Variants in CDK6 observed in about 807,000 individuals in gnomAD.
The protein encoded by CDK6 is cyclin dependent kinase 6, also known as cyclin-dependent kinase 6.
In CDK6, 6 loss-of-function variants were observed where a neutral mutation model predicts 37.1. That is an observed-to-expected ratio of 0.16 (90% CI 0.09 to 0.32). The LOEUF (loss-of-function observed/expected upper bound fraction) is 0.32, where lower values mean the gene tolerates loss of function less well. CDK6 is among the 10% of genes least tolerant of loss of function. The probability of loss-of-function intolerance (pLI) is 1.00; values close to 1 mark genes in which losing one functional copy is unlikely to be tolerated. For missense variants in CDK6, 224 were observed against 418.9 expected, an observed-to-expected ratio of 0.53 and a Z score of 4.06; for synonymous variants, 160 against 161.3, an observed-to-expected ratio of 0.99 and a Z score of 0.06.
intron 5 of CDK6, among the ~76,000 whole-genome samples, chr7:92,659,336 G>A (rs138561177): frequency 6.6e-6 from 1 of 152,072 alleles, no homozygotes; most frequent in Non-Finnish European, 1.5e-5. Context: ...AAGAAAGAAT[G>A]TAAAAATATC....
At chr7:92,759,871 T>A (rs1343260486) in intron 3 of CDK6, among the ~76,000 whole-genome samples, 1 of 152,146 alleles carries the variant, frequency 6.6e-6, no homozygotes, top group Non-Finnish European at 1.5e-5. Flanking sequence ...GCCATGCACA[T>A]ACAATGAAGA....
chr7:92,651,963 G>A (rs73710425), intron 5 of CDK6, among the ~76,000 whole-genome samples: 238 of 152,198 alleles, frequency 1.6e-3, no homozygotes, highest in African/African-American at 5.2e-3. Context: ...TTATAACACT[G>A]AATATTGGAA....
At chr7:92,813,785 T>C (rs1800950509) in intron 2 of CDK6, among the ~76,000 whole-genome samples, 1 of 152,196 alleles carries the variant, frequency 6.6e-6, no homozygotes, top group Admixed American at 6.5e-5. Flanking sequence ...AAATGCCCCC[T>C]TAAAAACGGC....
At chr7:92,828,573 A>G (rs566990269) in intron 2 of CDK6, among the ~76,000 whole-genome samples, 2 of 152,308 alleles carry the variant, frequency 1.3e-5, no homozygotes, top group South Asian at 4.1e-4. Flanking sequence ...TAATAGTGAG[A>G]CATTTGTTTT....
intron 3 of CDK6, among the ~76,000 whole-genome samples, chr7:92,736,101 G>A (rs139056117): frequency 1.4e-4 from 21 of 152,034 alleles, no homozygotes; most frequent in East Asian, 3.9e-4. Flanking sequence ...TGCAACTTTC[G>A]TGGGCCTTGC....
chr7:92,669,390 T>C (rs1377279306), intron 5 of CDK6, among the ~76,000 whole-genome samples: 1 of 152,246 alleles, frequency 6.6e-6, no homozygotes, highest in Non-Finnish European at 1.5e-5. Flanking sequence ...TAATTCTACA[T>C]ATATAAAATT....
chr7:92,670,458 C>T (rs1461387117), intron 5 of CDK6, among the ~76,000 whole-genome samples: 2 of 151,962 alleles, frequency 1.3e-5, no homozygotes, highest in African/African-American at 2.4e-5. Context: ...TTTAAAGATA[C>T]AATGGGAATA....
chr7:92,810,588 A>G (rs544915964), intron 2 of CDK6, among the ~76,000 whole-genome samples: 2 of 152,362 alleles, frequency 1.3e-5, no homozygotes, highest in South Asian at 4.1e-4. Context: ...AATTCATTAC[A>G]TATTTTTTAA....
intron 4 of CDK6, among the ~76,000 whole-genome samples, chr7:92,682,167 A>G (rs1797352281): frequency 6.6e-6 from 1 of 151,784 alleles, no homozygotes; most frequent in African/African-American, 2.4e-5. Flanking sequence ...TGTCTTCTTT[A>G]CTGCATCTGA....
intron 4 of CDK6, among the ~76,000 whole-genome samples, chr7:92,718,068 G>A (rs1350809030): frequency 6.6e-6 from 1 of 152,180 alleles, no homozygotes; most frequent in African/African-American, 2.4e-5. Flanking sequence ...TAAAGAAAAC[G>A]TGTCCTGTTC....
chr7:92,737,206 A>C (rs879533390), intron 3 of CDK6, among the ~76,000 whole-genome samples: 1 of 152,208 alleles, frequency 6.6e-6, no homozygotes, highest in African/African-American at 2.4e-5. Flanking sequence ...TGATAATACT[A>C]TAAGTTCAGA....
chr7:92,765,026 A>T (rs920830659), intron 3 of CDK6, among the ~76,000 whole-genome samples: 1 of 152,214 alleles, frequency 6.6e-6, no homozygotes, highest in Non-Finnish European at 1.5e-5. Flanking sequence ...AAATGAATAA[A>T]TATAGTATAG....
In CDK6 at chr7:92,671,494, C is replaced by T; in HGVS notation, c.579G>A (p.Gln193=). ...GATCCACGGGGGTGGCGTAGCTGGA[C>T]TGGAGCAAGACTTCGGGTGCTCTGT... ...LWYRAPEVLL[Q]SSYATPVDLW... Residue 193 remains glutamine (Q), a synonymous_variant, in exon 5 of 8, where the codon CAG becomes CAA. Transcript: ENST00000424848. The T allele has an allele frequency of 1.3e-6, 2 of 1,583,530 alleles. No individual in the cohort carries two copies. Among genetic ancestry groups the T allele is most frequent in the Non-Finnish European group, 1.7e-6 (2 of 1,164,824 alleles).
At chr7:92,616,661 G>A (rs561256229) in intron 7 of CDK6, among the ~76,000 whole-genome samples, 27 of 152,170 alleles carry the variant, frequency 1.8e-4, no homozygotes, top group Non-Finnish European at 3.1e-4. Context: ...AGAAAATTAG[G>A]TAGTGGCATT....
At chr7:92,815,961 G>A (rs1346895907) in intron 2 of CDK6, among the ~76,000 whole-genome samples, 5 of 152,114 alleles carry the variant, frequency 3.3e-5, no homozygotes, top group Non-Finnish European at 7.4e-5. Context: ...TGTCTTAGTA[G>A]GGCTAAACTA....
intron 2 of CDK6, among the ~76,000 whole-genome samples, chr7:92,828,756 G>T (rs1801398966): frequency 6.6e-6 from 1 of 151,956 alleles, no homozygotes; most frequent in Admixed American, 6.6e-5. Flanking sequence ...ATTCTATGTT[G>T]ATAGTGGTTG....
chr7:92,744,640 T>C (rs993697678), intron 3 of CDK6, among the ~76,000 whole-genome samples: 3 of 152,250 alleles, frequency 2.0e-5, no homozygotes, highest in Non-Finnish European at 4.4e-5. Context: ...TCTCATACAC[T>C]ATTAATCAGG....
At chr7:92,671,557 AG>A in intron 4 of CDK6, 22 bp from the exon 5 acceptor site, 5 of 1,442,420 alleles carry the variant, frequency 3.5e-6, no homozygotes, top group Non-Finnish European at 4.7e-6. Context: ...AGCGGATCCA[AG>A]TGTTACTGAG....
intron 2 of CDK6, among the ~76,000 whole-genome samples, chr7:92,804,304 A>AAAAT (rs1800666939): frequency 2.0e-5 from 3 of 152,168 alleles, no homozygotes; most frequent in Non-Finnish European, 4.4e-5. Context: ...CTGATTCCCT[A>AAAAT]GCAGGGTCCA....
Sources: gnomAD v4.1 joint callset for allele counts (sites outside exome capture counted in the v4.1 genomes callset) on GRCh38, gnomAD v4.1.1 for gene constraint, MANE v1.5 for transcripts, NCBI Gene and HGNC (gene_info 2026-07-23, HGNC 2026-07-21) for gene names.